The following GALNT13 variants were observed in gnomAD, a reference collection of about 807,000 sequenced individuals.
GALNT13 encodes the protein UDP-GalNAc:polypeptide N-acetylgalactosaminyltransferase 13.
In GALNT13, 28 loss-of-function variants were observed where a neutral mutation model predicts 64.2. The observed-to-expected ratio is 0.44, with a 90% confidence interval of 0.32 to 0.60. The LOEUF is 0.60. Ranked by LOEUF, GALNT13 falls within the 20% of genes least tolerant of loss-of-function variation. The probability of loss-of-function intolerance (pLI) is 0.05; values close to 1 mark genes in which losing one functional copy is unlikely to be tolerated. For missense variants in GALNT13, 577 were observed against 669.8 expected, an observed-to-expected ratio of 0.86 and a Z score of 1.53; for synonymous variants, 214 against 224.6, an observed-to-expected ratio of 0.95 and a Z score of 0.42.
chr2:154,118,620 T>A (rs541716626), intron 3 of GALNT13, among the ~76,000 whole-genome samples: 1 of 152,022 alleles, frequency 6.6e-6, no homozygotes, highest in Non-Finnish European at 1.5e-5. Flanking sequence ...TGTGGTTCCA[T>A]GGTTTTCTGT....
intron 4 of GALNT13, among the ~76,000 whole-genome samples, chr2:154,153,827 C>T (rs1262533298): frequency 1.3e-5 from 2 of 152,216 alleles, no homozygotes; most frequent in Non-Finnish European, 2.9e-5. Context: ...TTCCAGGTGC[C>T]ATCTGTCACC....
At chr2:154,022,524 G>T (rs2105282021) in intron 3 of GALNT13, among the ~76,000 whole-genome samples, 1 of 152,256 alleles carries the variant, frequency 6.6e-6, no homozygotes, top group East Asian at 1.9e-4. Context: ...TTGTATTTCT[G>T]TGGGATCAGT....
intron 3 of GALNT13, among the ~76,000 whole-genome samples, chr2:154,116,169 A>G (rs1231331721): frequency 1.3e-5 from 2 of 152,122 alleles, no homozygotes; most frequent in African/African-American, 4.8e-5. Flanking sequence ...TGTTGCCACT[A>G]CTAGGGATGG....
the GALNT13 span, among the ~76,000 whole-genome samples, chr2:153,834,738 C>T: frequency 2.6e-5 from 4 of 151,842 alleles, no homozygotes; most frequent in Non-Finnish European, 5.9e-5. Context: ...TTTTGGGGAA[C>T]ATGAATTTGG....
chr2:153,461,843 G>A, the GALNT13 span, among the ~76,000 whole-genome samples: 7,536 of 152,132 alleles, frequency 0.05, 648 homozygotes, highest in African/African-American at 0.17. Context: ...CTAAGCCTTC[G>A]CATTTTGTGA....
At chr2:153,277,372 A>G in the GALNT13 span, among the ~76,000 whole-genome samples, 1 of 152,152 alleles carries the variant, frequency 6.6e-6, no homozygotes, top group Non-Finnish European at 1.5e-5. Flanking sequence ...ATTTTGTTGC[A>G]AAGTACATAA....
chr2:153,132,523 T>A, the GALNT13 span, among the ~76,000 whole-genome samples: 1 of 152,144 alleles, frequency 6.6e-6, no homozygotes, highest in African/African-American at 2.4e-5. Flanking sequence ...CAAGAGATAG[T>A]GGGAGAGAAA....
the GALNT13 span, among the ~76,000 whole-genome samples, chr2:153,364,008 A>C: frequency 6.6e-6 from 1 of 152,148 alleles, no homozygotes. Context: ...TAGCAATCCA[A>C]ATCCAGCAGC....
At chr2:153,257,940 A>G in the GALNT13 span, among the ~76,000 whole-genome samples, 17 of 152,300 alleles carry the variant, frequency 1.1e-4, no homozygotes, top group Admixed American at 1.0e-3. Flanking sequence ...GTCTCATACC[A>G]TTCCCTGTAC....
the GALNT13 span, among the ~76,000 whole-genome samples, chr2:153,564,721 C>T: frequency 6.6e-6 from 1 of 151,948 alleles, no homozygotes; most frequent in Non-Finnish European, 1.5e-5. Flanking sequence ...ATAATTCTTA[C>T]AAAATTACTA....
chr2:153,952,245 A>C (rs72865068), intron 3 of GALNT13, among the ~76,000 whole-genome samples: 10,618 of 152,186 alleles, frequency 0.07, 435 homozygotes, highest in Middle Eastern at 0.13. Flanking sequence ...ATTTGAGGGC[A>C]TGTGGTAGGT....
chr2:153,536,608 T>G, the GALNT13 span, among the ~76,000 whole-genome samples: 6 of 152,346 alleles, frequency 3.9e-5, no homozygotes, highest in South Asian at 1.0e-3. Flanking sequence ...TTTTATTTTT[T>G]ACTATGAGAA....
chr2:153,158,216 A>G, the GALNT13 span, among the ~76,000 whole-genome samples: 1 of 152,164 alleles, frequency 6.6e-6, no homozygotes, highest in Non-Finnish European at 1.5e-5. Flanking sequence ...TTTTATTAGT[A>G]TGATTTTATA....
the GALNT13 span, among the ~76,000 whole-genome samples, chr2:153,572,192 T>C: frequency 1.3e-5 from 2 of 151,728 alleles, no homozygotes; most frequent in African/African-American, 2.4e-5. Context: ...TTTCTAATTA[T>C]TTATCTAATT....
the GALNT13 span, among the ~76,000 whole-genome samples, chr2:153,705,997 T>C: frequency 6.6e-6 from 1 of 152,024 alleles, no homozygotes; most frequent in African/African-American, 2.4e-5. Context: ...ACTATATATA[T>C]ATATATTTTC....
the GALNT13 span, among the ~76,000 whole-genome samples, chr2:153,594,993 A>G: frequency 6.6e-6 from 1 of 152,272 alleles, no homozygotes; most frequent in Admixed American, 6.5e-5. Context: ...AAAGAATACT[A>G]AAATTCAATC....
the GALNT13 span, among the ~76,000 whole-genome samples, chr2:153,130,747 G>T: frequency 9.9e-5 from 15 of 152,120 alleles, no homozygotes; most frequent in Admixed American, 9.8e-4. Flanking sequence ...ATGAGCAGAA[G>T]AATCTTGATT....
At chr2:153,427,362 T>C in the GALNT13 span, among the ~76,000 whole-genome samples, 2 of 152,122 alleles carry the variant, frequency 1.3e-5, no homozygotes, top group African/African-American at 2.4e-5. Flanking sequence ...AGAAAATCTA[T>C]CAGAGTTTGA....
intron 3 of GALNT13, among the ~76,000 whole-genome samples, chr2:154,086,843 G>A (rs1362083240): frequency 6.6e-6 from 1 of 152,104 alleles, no homozygotes; most frequent in Non-Finnish European, 1.5e-5. Context: ...AGTTAAAGAT[G>A]AAGTGAATTT....
Sources: gnomAD v4.1 joint callset for allele counts (sites outside exome capture counted in the v4.1 genomes callset) on GRCh38, gnomAD v4.1.1 for gene constraint, MANE v1.5 for transcripts, NCBI Gene and HGNC (gene_info 2026-07-23, HGNC 2026-07-21) for gene names.